The following ADCY3 variants were observed in gnomAD, a reference collection of about 807,000 sequenced individuals.
The protein encoded by ADCY3 is adenylate cyclase type 3.
ADCY3 carries 70 observed loss-of-function variants against 119.4 expected under a neutral mutation model. That is an observed-to-expected ratio of 0.59 (90% CI 0.48 to 0.72). The LOEUF (loss-of-function observed/expected upper bound fraction) is 0.72. ADCY3 is among the 30% of genes least tolerant of loss of function. The pLI, the probability that ADCY3 is intolerant of heterozygous loss-of-function variation, is 0.00. For missense variants in ADCY3, 1,238 were observed against 1,541.6 expected (o/e 0.80, Z 3.30); for synonymous variants, 672 against 621.4 (o/e 1.08, Z -1.21).
At chr2:24,911,069 AC>A (rs1663556901) in intron 2 of ADCY3, among the ~76,000 whole-genome samples, 1 of 151,786 alleles carries the variant, frequency 6.6e-6, no homozygotes, top group Non-Finnish European at 1.5e-5. Flanking sequence ...AACACTCAAC[AC>A]CCCAGACATC....
At chr2:24,913,838 G>C (rs1260614950) in intron 2 of ADCY3, among the ~76,000 whole-genome samples, 1 of 152,174 alleles carries the variant, frequency 6.6e-6, no homozygotes, top group Non-Finnish European at 1.5e-5. Flanking sequence ...GTCTTAACAG[G>C]CTCTTCATTC....
chr2:24,871,879 A>C (rs965439977), intron 3 of ADCY3, among the ~76,000 whole-genome samples: 1 of 152,238 alleles, frequency 6.6e-6, no homozygotes, highest in African/African-American at 2.4e-5. Context: ...CGGCCATGGA[A>C]GAGACTGGAG....
chr2:24,881,844 G>C (rs984756915), intron 2 of ADCY3, among the ~76,000 whole-genome samples: 1 of 152,004 alleles, frequency 6.6e-6, no homozygotes, highest in African/African-American at 2.4e-5. Flanking sequence ...GTCACGACTA[G>C]GAGAGCGGGT....
intron 2 of ADCY3, among the ~76,000 whole-genome samples, chr2:24,880,078 A>C (rs1676212179): frequency 6.6e-6 from 1 of 152,204 alleles, no homozygotes; most frequent in African/African-American, 2.4e-5. Flanking sequence ...CGAGCTGGGT[A>C]TCTGCCAAGT....
chr2:24,832,040 CAGACAAGGACCGGGGGA>C (rs1452490991), intron 11 of ADCY3: 3 of 64,552 alleles, frequency 4.6e-5, no homozygotes, highest in Admixed American at 2.4e-4. Flanking sequence ...CAGGGGCCAG[CAGACAAGGACCGGGGGA>C]AGGGGGCAGG....
intron 13 of ADCY3, among the ~76,000 whole-genome samples, chr2:24,828,573 G>A (rs554830843): frequency 5.9e-5 from 9 of 152,278 alleles, no homozygotes; most frequent in South Asian, 2.1e-4. Context: ...CAGCCTCCCC[G>A]TGATGACAGC....
At chr2:24,825,979 G>A in intron 16 of ADCY3, 66 bp downstream of exon 16, 3 of 1,514,398 alleles carry the variant, frequency 2.0e-6, no homozygotes, top group Non-Finnish European at 2.7e-6. Flanking sequence ...TTAGGTCCCA[G>A]GGCTGCTTCT....
chr2:24,866,406 C>T (rs1195062538), intron 3 of ADCY3, among the ~76,000 whole-genome samples: 1 of 151,728 alleles, frequency 6.6e-6, no homozygotes. Flanking sequence ...GACTCCATCT[C>T]TACAAAAAAC....
intron 17 of ADCY3, among the ~76,000 whole-genome samples, chr2:24,824,057 C>T (rs529685758): frequency 7.2e-5 from 11 of 152,322 alleles, no homozygotes; most frequent in Admixed American, 2.0e-4. Flanking sequence ...GCTGTGAAGA[C>T]GAGGGTACCG....
intron 12 of ADCY3, among the ~76,000 whole-genome samples, chr2:24,831,086 G>A (rs1558417022): frequency 6.6e-6 from 1 of 152,156 alleles, no homozygotes; most frequent in Non-Finnish European, 1.5e-5. Flanking sequence ...CAGACGTGGT[G>A]ACGAGGTGAG....
intron 3 of ADCY3, among the ~76,000 whole-genome samples, chr2:24,848,667 C>T (rs943159098): frequency 1.3e-4 from 20 of 152,284 alleles, no homozygotes; most frequent in African/African-American, 4.8e-4. Context: ...AGAACAGTGC[C>T]TGGCCCACAG....
chr2:24,877,287 C>T (rs144403019), intron 2 of ADCY3, among the ~76,000 whole-genome samples: 45 of 152,198 alleles, frequency 3.0e-4, no homozygotes, highest in African/African-American at 9.9e-4. Context: ...ACTCACCACC[C>T]ACCCCTCCCC....
chr2:24,875,010 G>C (rs1675500877), intron 2 of ADCY3, among the ~76,000 whole-genome samples: 1 of 152,158 alleles, frequency 6.6e-6, no homozygotes, highest in Admixed American at 6.5e-5. Context: ...CTGCACAGCA[G>C]GTCTTAGGTA....
intron 2 of ADCY3, among the ~76,000 whole-genome samples, chr2:24,911,637 CAAAAAAAAAAA>C (rs60134317): frequency 2.8e-5 from 3 of 106,154 alleles, no homozygotes; most frequent in South Asian, 3.4e-4. Flanking sequence ...GAGACAGACT[CAAAAAAAAAAA>C]AAAAAAAAAA....
chr2:24,848,222 G>A (rs543602853), intron 3 of ADCY3, among the ~76,000 whole-genome samples: 25 of 152,360 alleles, frequency 1.6e-4, no homozygotes, highest in Non-Finnish European at 3.1e-4. Flanking sequence ...GCCTGCCCAG[G>A]GTGGAAAACC....
intron 2 of ADCY3, among the ~76,000 whole-genome samples, chr2:24,908,318 C>T (rs142677522): frequency 2.8e-4 from 43 of 151,164 alleles, no homozygotes; most frequent in African/African-American, 8.7e-4. Context: ...AGCGAAACTC[C>T]GTCTCAAAAA....
At chr2:24,856,982 C>G (rs143302905) in intron 3 of ADCY3, among the ~76,000 whole-genome samples, 95 of 152,342 alleles carry the variant, frequency 6.2e-4, no homozygotes, top group African/African-American at 2.3e-3. Context: ...AGGCACCAGA[C>G]CAGTGTCCCC....
Position 24,819,438 on chromosome 2 carries a change from A to ACCTT in ADCY3, c.*490_*493dup, listed in dbSNP as rs1218374169. 1 of 153,074 alleles carries ACCTT rather than the reference A, an allele frequency of 6.5e-6. No homozygotes were observed. Among genetic ancestry groups the ACCTT allele is most frequent in the Non-Finnish European group, 1.5e-5 (1 of 68,420 alleles). The allele number at this position is 153,074 out of a possible 1,614,324, so 9.5% of individuals were successfully genotyped here. On this transcript the variant is annotated 3_prime_UTR_variant, in exon 22 of 22. Transcript: ENST00000679454. ...CTAAGGGGACAGGAGTTCCAGAAGA[A>ACCTT]CCTTTCAAGATGATCAGGAACACCA...
chr2:24,882,455 C>T (rs1005596113), intron 2 of ADCY3, among the ~76,000 whole-genome samples: 1 of 152,184 alleles, frequency 6.6e-6, no homozygotes, highest in African/African-American at 2.4e-5. Flanking sequence ...CTGAGAACCA[C>T]AAAACTCCTC....
Sources: gnomAD v4.1 joint callset for allele counts (sites outside exome capture counted in the v4.1 genomes callset) on GRCh38, gnomAD v4.1.1 for gene constraint, MANE v1.5 for transcripts, NCBI Gene and HGNC (gene_info 2026-07-23, HGNC 2026-07-21) for gene names.